NRG3: variants seen among roughly 807,000 people sequenced by gnomAD.
NRG3 encodes the protein neuregulin 3, also known as pro-neuregulin-3, membrane-bound isoform.
NRG3 carries 31 observed loss-of-function variants against 66.9 expected under a neutral mutation model. That is an observed-to-expected ratio of 0.46 (90% CI 0.35 to 0.63). The LOEUF (loss-of-function observed/expected upper bound fraction) is 0.63. Among genes scored for constraint, NRG3 ranks in the 20% least tolerant of loss-of-function variants. The pLI is 0.00. For missense variants in NRG3, 910 were observed against 878.9 expected, an observed-to-expected ratio of 1.04 and a Z score of -0.45; for synonymous variants, 393 against 359.4, an observed-to-expected ratio of 1.09 and a Z score of -1.06.
intron 4 of NRG3, among the ~76,000 whole-genome samples, chr10:82,899,743 C>A (rs1463105881): frequency 6.6e-6 from 1 of 152,008 alleles, no homozygotes; most frequent in Non-Finnish European, 1.5e-5. Context: ...GAATTGTCTG[C>A]GTATTTCAAA....
chr10:82,436,944 C>A (rs935517274), intron 2 of NRG3, among the ~76,000 whole-genome samples: 4 of 152,076 alleles, frequency 2.6e-5, no homozygotes, highest in Non-Finnish European at 4.4e-5. Context: ...GATGATCTGG[C>A]CTTTCCCTCT....
chr10:82,717,548 C>T (rs770455100), intron 2 of NRG3, among the ~76,000 whole-genome samples: 26 of 151,784 alleles, frequency 1.7e-4, no homozygotes, highest in Non-Finnish European at 3.7e-4. Flanking sequence ...TACAGGCACC[C>T]GCCACCACGC....
At chr10:81,877,109 C>T (rs1841737212) in intron 1 of NRG3, among the ~76,000 whole-genome samples, 1 of 152,170 alleles carries the variant, frequency 6.6e-6, no homozygotes, top group Non-Finnish European at 1.5e-5. Context: ...CATCTTCAAC[C>T]TGGGCTCAGT....
In NRG3 at chr10:82,311,658, C is replaced by G. The variant is rs188676960; in HGVS notation, c.824-47081C>G. 1.3e-3 allele frequency among the ~76,000 whole-genome samples: 196 copies of G among 152,252 alleles called. 2 individuals carry two copies. The Middle Eastern group carries it at 0.014, about 11-fold the overall frequency. The stretch of plus-strand genomic sequence containing the variant: ...GTGTGCTCTTGCTGACCGATATTTA[C>G]CAAGCACTTTCCAGGAGCCAGATAG... On this transcript the variant is annotated intron_variant, in intron 1 of 8. Transcript: ENST00000372141.
chr10:81,972,329 G>A (rs1462748195), intron 1 of NRG3, among the ~76,000 whole-genome samples: 2 of 152,050 alleles, frequency 1.3e-5, no homozygotes, highest in East Asian at 3.9e-4. Flanking sequence ...GCAAAAAAGT[G>A]GGGAAATATG....
At chr10:82,723,072 G>C (rs1234882193) in intron 2 of NRG3, among the ~76,000 whole-genome samples, 2 of 152,088 alleles carry the variant, frequency 1.3e-5, no homozygotes, top group East Asian at 3.9e-4. Context: ...AATCAACCTA[G>C]GTGCTGATCA....
At chr10:81,979,745 A>G (rs1461827230) in intron 1 of NRG3, among the ~76,000 whole-genome samples, 1 of 152,232 alleles carries the variant, frequency 6.6e-6, no homozygotes, top group Non-Finnish European at 1.5e-5. Context: ...TTGCAACTGC[A>G]TTACGGATTT....
intron 2 of NRG3, among the ~76,000 whole-genome samples, chr10:82,593,069 A>G (rs529138786): frequency 6.6e-6 from 1 of 152,238 alleles, no homozygotes; most frequent in South Asian, 2.1e-4. Flanking sequence ...TCACTCTCTT[A>G]GTTTATTTGA....
chr10:82,122,230 G>C (rs2068135114), intron 1 of NRG3, among the ~76,000 whole-genome samples: 1 of 152,132 alleles, frequency 6.6e-6, no homozygotes, highest in South Asian at 2.1e-4. Flanking sequence ...TTGGTCCTCT[G>C]TGGTTCTTAT....
chr10:82,916,685 G>GC (rs1283147780), intron 4 of NRG3, among the ~76,000 whole-genome samples: 1 of 151,644 alleles, frequency 6.6e-6, no homozygotes, highest in Non-Finnish European at 1.5e-5. Flanking sequence ...GGAGTGCAGT[G>GC]GTGCAATCTC....
chr10:81,989,394 G>A (rs900089069), intron 1 of NRG3, among the ~76,000 whole-genome samples: 2 of 151,962 alleles, frequency 1.3e-5, no homozygotes, highest in African/African-American at 2.4e-5. Context: ...GGACCCAGTC[G>A]CATACCTTAA....
intron 1 of NRG3, among the ~76,000 whole-genome samples, chr10:82,144,421 C>A (rs2070089175): frequency 1.3e-5 from 2 of 152,198 alleles, no homozygotes; most frequent in Non-Finnish European, 2.9e-5. Flanking sequence ...TGTGTATTAT[C>A]ATAGGCAACA....
At chr10:82,405,460 T>TTTTG (rs1303273269) in intron 2 of NRG3, among the ~76,000 whole-genome samples, 1 of 146,420 alleles carries the variant, frequency 6.8e-6, no homozygotes, top group African/African-American at 2.5e-5. Flanking sequence ...AGTAGTTTGT[T>TTTTG]TTTTTTTTTT....
chr10:82,500,763 A>G (rs1050743949), intron 2 of NRG3, among the ~76,000 whole-genome samples: 7 of 152,202 alleles, frequency 4.6e-5, no homozygotes, highest in African/African-American at 1.7e-4. Flanking sequence ...AGGGGTACTC[A>G]TCTTACATAT....
chr10:82,594,655 A>G (rs2047167176), intron 2 of NRG3, among the ~76,000 whole-genome samples: 1 of 152,172 alleles, frequency 6.6e-6, no homozygotes, highest in Non-Finnish European at 1.5e-5. Flanking sequence ...AATATTTTTT[A>G]TCTTTTACAA....
chr10:82,585,880 A>G (rs931677903), intron 2 of NRG3, among the ~76,000 whole-genome samples: 3 of 152,214 alleles, frequency 2.0e-5, no homozygotes, highest in South Asian at 2.1e-4. Flanking sequence ...GTATACTACT[A>G]TTATTGATAT....
intron 2 of NRG3, among the ~76,000 whole-genome samples, chr10:82,555,420 C>G (rs2132941600): frequency 6.6e-6 from 1 of 152,190 alleles, no homozygotes; most frequent in East Asian, 1.9e-4. Flanking sequence ...ATAATCTTAC[C>G]ACAATTGTGT....
chr10:82,835,746 CA>C (rs1383348075), intron 3 of NRG3, among the ~76,000 whole-genome samples: 1 of 152,170 alleles, frequency 6.6e-6, no homozygotes, highest in Non-Finnish European at 1.5e-5. Context: ...GCAGGACAGA[CA>C]CTCCTTAGAA....
chr10:82,727,506 G>A (rs1028596893), intron 2 of NRG3, among the ~76,000 whole-genome samples: 2 of 152,254 alleles, frequency 1.3e-5, no homozygotes, highest in African/African-American at 4.8e-5. Context: ...TGTTGAGCCT[G>A]CAGGTACACA....
Sources: allele counts gnomAD v4.1 joint callset (sites outside exome capture counted in the v4.1 genomes callset), GRCh38; gene constraint gnomAD v4.1.1; transcripts MANE v1.5; gene names NCBI Gene and HGNC (gene_info 2026-07-23, HGNC 2026-07-21).